The following PSMG4 variants were observed in gnomAD, a reference collection of about 807,000 sequenced individuals.
The protein encoded by PSMG4 is proteasome assembly chaperone 4.
PSMG4 carries 10 observed loss-of-function variants against 11.0 expected under a neutral mutation model. The observed-to-expected ratio is 0.91, with a 90% CI of 0.56 to 1.54. The LOEUF (loss-of-function observed/expected upper bound fraction) is 1.54. Ranked by LOEUF, PSMG4 falls within the 40% of genes most tolerant of loss-of-function variation. PSMG4 has a pLI of 0.00. For synonymous variants in PSMG4, 95 were observed against 71.3 expected (o/e 1.33, Z -1.68); for missense variants, 198 against 160.9 (o/e 1.23, Z -1.25).
chr6:3,255,534 A>G (rs192458982), upstream of PSMG4, among the ~76,000 whole-genome samples: 118 of 152,290 alleles, frequency 7.7e-4, no homozygotes, highest in East Asian at 0.014. Flanking sequence ...ATGAGTCTGT[A>G]TAGACTCCAA....
Position 3,259,803 on chromosome 6 carries a change from T to C in PSMG4, c.174+607T>C, listed in dbSNP as rs571331853. 2.0e-5 allele frequency among the ~76,000 whole-genome samples: 3 copies of C among 152,336 alleles called. No homozygotes were observed. The South Asian group carries it at 6.2e-4, about 32-fold the overall frequency. On this transcript the variant is annotated intron_variant, in intron 1 of 2. Coordinates refer to ENST00000438998, the MANE Select transcript of PSMG4 (RefSeq NM_001128591.2). ...CGCCCTCACCTTCACCCTGCCGCGC[T>C]GGGCCAAGCCTGGGACATTATCATT...
At chr6:3,254,739 T>A (rs544645713), upstream of PSMG4, among the ~76,000 whole-genome samples, 4 of 152,050 alleles carry the variant, frequency 2.6e-5, no homozygotes, top group Non-Finnish European at 4.4e-5. Flanking sequence ...AAACTCCCCC[T>A]GTGCCTCTTT....
At chr6:3,266,441 A>AG (rs1758184035) in intron 2 of PSMG4, 1 of 151,482 alleles carries the variant, frequency 6.6e-6, no homozygotes, top group African/African-American at 2.4e-5. Flanking sequence ...CCATATGTTG[A>AG]GGTGGGGGTG....
upstream of PSMG4, chr6:3,254,971 T>TG: frequency 7.1e-7 from 1 of 1,406,766 alleles, no homozygotes; most frequent in Non-Finnish European, 9.4e-7. Flanking sequence ...GAGCATGTGA[T>TG]GTGGCTGTGG....
At chr6:3,254,443 G>A (rs1212400276), upstream of PSMG4, among the ~76,000 whole-genome samples, 1 of 72,768 alleles carries the variant, frequency 1.4e-5, no homozygotes, top group African/African-American at 3.1e-5. Context: ...TGCTGTAATA[G>A]TTTTCTGCTT....
chr6:3,255,369 T>G (rs1166989248), upstream of PSMG4: 8 of 1,427,564 alleles, frequency 5.6e-6, no homozygotes, highest in Non-Finnish European at 7.4e-6. Flanking sequence ...TTTCCTGTGG[T>G]GGATGATGTT....
chr6:3,260,420 C>T (rs570041321), intron 1 of PSMG4, among the ~76,000 whole-genome samples: 2 of 151,448 alleles, frequency 1.3e-5, no homozygotes, highest in East Asian at 1.9e-4. Context: ...TCCTGAGTAG[C>T]TGGGATTACA....
chr6:3,259,129 C>G lies in PSMG4; in HGVS notation c.107C>G (p.Ser36Trp). The change falls in exon 1 of 3, where the codon TCG (serine) becomes TGG (tryptophan). Residue 36 changes from serine (S) to tryptophan (W), a missense_variant. Coordinates refer to ENST00000438998, the MANE Select transcript of PSMG4 (RefSeq NM_001128591.2). ...TTCCACGTCATGCGGCTGACGGACT[C>G]GCTGTTCCTGTGGGTGGGGGCCACG... ...VHFHVMRLTDSLFLWVGATPH... is the reference protein window; with the variant it reads ...VHFHVMRLTDWLFLWVGATPH... The G allele has an allele frequency of 7.7e-7, 1 of 1,291,736 alleles. No individual in the cohort carries two copies. Among genetic ancestry groups the G allele is most frequent in the Non-Finnish European group, 9.8e-7 (1 of 1,018,746 alleles). 80.0% of individuals were successfully genotyped at this position (1,291,736 alleles called of 1,614,324 possible).
chr6:3,257,527 A>G (rs1481540597), upstream of PSMG4, among the ~76,000 whole-genome samples: 2 of 152,194 alleles, frequency 1.3e-5, no homozygotes, highest in East Asian at 3.8e-4. Context: ...AAGGGATAAA[A>G]CAATTATGGT....
chr6:3,260,000 CATT>C (rs1757917231), intron 1 of PSMG4, among the ~76,000 whole-genome samples: 3 of 152,136 alleles, frequency 2.0e-5, no homozygotes, highest in South Asian at 2.1e-4. Flanking sequence ...GGTACAGTGT[CATT>C]ATTATAGCTC....
At chr6:3,257,831 T>G (rs548135752), upstream of PSMG4, among the ~76,000 whole-genome samples, 2 of 152,368 alleles carry the variant, frequency 1.3e-5, no homozygotes, top group South Asian at 2.1e-4. Context: ...GACTTCAATT[T>G]GTACACTATA....
At chr6:3,263,826 G>A (rs1221501915) in intron 2 of PSMG4, 67 bp downstream of exon 2, 4 of 1,518,912 alleles carry the variant, frequency 2.6e-6, no homozygotes, top group East Asian at 5.0e-5. Flanking sequence ...GAACCATGAA[G>A]CAAGTCCCTT....
chr6:3,263,926 A>G (rs1425977832), intron 2 of PSMG4, 167 bp downstream of exon 2: 1 of 1,419,952 alleles, frequency 7.0e-7, no homozygotes, highest in African/African-American at 1.4e-5. Context: ...TTTAAGGGGC[A>G]CATTCCATGC....
At chr6:3,254,845 C>T (rs891609508), upstream of PSMG4, among the ~76,000 whole-genome samples, 2 of 152,200 alleles carry the variant, frequency 1.3e-5, no homozygotes, top group African/African-American at 4.8e-5. Flanking sequence ...TTAGAAAACA[C>T]TTTAACTCAG....
chr6:3,255,522 C>G (rs116397863), upstream of PSMG4, among the ~76,000 whole-genome samples: 6 of 152,206 alleles, frequency 3.9e-5, no homozygotes, highest in South Asian at 2.1e-4. Context: ...TCCCCACTGC[C>G]CATGAGTCTG....
At chr6:3,254,507 G>A (rs949317085), upstream of PSMG4, among the ~76,000 whole-genome samples, 1 of 151,970 alleles carries the variant, frequency 6.6e-6, no homozygotes, top group Non-Finnish European at 1.5e-5. Flanking sequence ...TTGTGTATGT[G>A]TTGGGTTTAT....
chr6:3,258,822 G>T (rs886187155), upstream of PSMG4: 8 of 418,228 alleles, frequency 1.9e-5, no homozygotes, highest in Non-Finnish European at 3.2e-5. Flanking sequence ...TCCGCCCAGG[G>T]CCGGCAGCCG....
At chr6:3,259,851 G>T (rs556714340) in intron 1 of PSMG4, among the ~76,000 whole-genome samples, 1 of 152,280 alleles carries the variant, frequency 6.6e-6, no homozygotes, top group South Asian at 2.1e-4. Context: ...CCGCCTTTCC[G>T]GCTTTGCGTG....
upstream of PSMG4, among the ~76,000 whole-genome samples, chr6:3,255,748 A>C (rs1197270226): frequency 6.6e-6 from 1 of 152,242 alleles, no homozygotes; most frequent in African/African-American, 2.4e-5. Context: ...CAGTGGGCAA[A>C]TGCACCAATG....
Sources: gnomAD v4.1 joint callset for allele counts (sites outside exome capture counted in the v4.1 genomes callset) on GRCh38, gnomAD v4.1.1 for gene constraint, MANE v1.5 for transcripts, NCBI Gene and HGNC (gene_info 2026-07-23, HGNC 2026-07-21) for gene names.